The following ADK variants were observed in gnomAD, a reference collection of about 807,000 sequenced individuals.
ADK encodes the protein N6,N6-dimethyladenosine kinase.
A neutral mutation model predicts 44.7 loss-of-function variants in ADK; 24 were observed. That is an observed-to-expected ratio of 0.54 (90% CI 0.39 to 0.76). The LOEUF (loss-of-function observed/expected upper bound fraction) is 0.76, where lower values mean the gene tolerates loss of function less well. ADK is among the 30% of genes least tolerant of loss of function. The pLI is 0.00. For synonymous variants in ADK, 128 were observed against 142.6 expected (o/e 0.90, Z 0.73); for missense variants, 321 against 425.1 (o/e 0.76, Z 2.15).
chr10:74,392,612 C>T (rs935922613), intron 4 of ADK, among the ~76,000 whole-genome samples: 8 of 151,962 alleles, frequency 5.3e-5, no homozygotes, highest in Admixed American at 5.3e-4. Context: ...TGTTGATTGC[C>T]TCCTTTGCCA....
chr10:74,650,077 T>C (rs1021601773), intron 9 of ADK, among the ~76,000 whole-genome samples: 1 of 152,180 alleles, frequency 6.6e-6, no homozygotes, highest in Non-Finnish European at 1.5e-5. Context: ...TCTTAGAACA[T>C]GGGCTTTCCT....
At chr10:74,219,542 C>T (rs1323309201) in intron 2 of ADK, among the ~76,000 whole-genome samples, 1 of 152,322 alleles carries the variant, frequency 6.6e-6, no homozygotes, top group African/African-American at 2.4e-5. Context: ...ACAGAACTCT[C>T]CACCGCAAAT....
intron 7 of ADK, among the ~76,000 whole-genome samples, chr10:74,560,787 AC>A (rs1411112636): frequency 6.6e-6 from 1 of 152,190 alleles, no homozygotes; most frequent in Non-Finnish European, 1.5e-5. Flanking sequence ...CATTCTACAT[AC>A]TGTTCTACAA....
At chr10:74,326,717 A>T (rs1016532320) in intron 4 of ADK, among the ~76,000 whole-genome samples, 3 of 151,998 alleles carry the variant, frequency 2.0e-5, no homozygotes, top group Admixed American at 2.0e-4. Context: ...CACTGATTTA[A>T]TCTCTTTACT....
intron 3 of ADK, among the ~76,000 whole-genome samples, chr10:74,253,845 C>CA (rs1473786250): frequency 3.4e-5 from 5 of 148,922 alleles, no homozygotes; most frequent in Non-Finnish European, 7.4e-5. Flanking sequence ...CTGCTCACTG[C>CA]AACCTCTGCC....
intron 2 of ADK, among the ~76,000 whole-genome samples, chr10:74,221,628 A>G (rs1389612265): frequency 6.8e-6 from 1 of 147,568 alleles, no homozygotes; most frequent in Non-Finnish European, 1.5e-5. Flanking sequence ...CTATACTACA[A>G]GGCTACAGTA....
At chr10:74,518,672 A>C (rs991055621) in intron 6 of ADK, among the ~76,000 whole-genome samples, 3 of 152,182 alleles carry the variant, frequency 2.0e-5, no homozygotes, top group Non-Finnish European at 2.9e-5. Flanking sequence ...TCCTGATAAA[A>C]ATTGTTTAAG....
chr10:74,450,068 G>C (rs900388874), intron 6 of ADK, among the ~76,000 whole-genome samples: 1 of 152,148 alleles, frequency 6.6e-6, no homozygotes, highest in Non-Finnish European at 1.5e-5. Flanking sequence ...CACTTCAGGA[G>C]GCTGAGGTGG....
intron 3 of ADK, among the ~76,000 whole-genome samples, chr10:74,292,802 T>C (rs1255963641): frequency 6.6e-6 from 1 of 152,158 alleles, no homozygotes; most frequent in Non-Finnish European, 1.5e-5. Context: ...CCCACCTCTC[T>C]TTTGTGCCAC....
intron 3 of ADK, among the ~76,000 whole-genome samples, chr10:74,289,082 C>T (rs898380915): frequency 6.6e-6 from 1 of 152,190 alleles, no homozygotes; most frequent in African/African-American, 2.4e-5. Flanking sequence ...CATAATGAAG[C>T]ATAATGCCTG....
At chr10:74,508,095 T>C (rs1256792846) in intron 6 of ADK, among the ~76,000 whole-genome samples, 2 of 152,194 alleles carry the variant, frequency 1.3e-5, no homozygotes, top group Non-Finnish European at 2.9e-5. Context: ...TGGTTTACTA[T>C]AAGTTGGAGT....
chr10:74,527,916 C>T (rs1849120909), intron 7 of ADK: 3 of 792,856 alleles, frequency 3.8e-6, no homozygotes, highest in South Asian at 2.9e-5. Context: ...AAGCTGTCAT[C>T]TATAGGTTTC....
At chr10:74,489,246 A>T (rs1847382246) in intron 6 of ADK, among the ~76,000 whole-genome samples, 4 of 151,952 alleles carry the variant, frequency 2.6e-5, no homozygotes, top group Admixed American at 2.0e-4. Context: ...TAAGTTCTCC[A>T]ATGTAGAAGG....
chr10:74,442,366 C>G (rs527668142), intron 6 of ADK, among the ~76,000 whole-genome samples: 1 of 152,278 alleles, frequency 6.6e-6, no homozygotes, highest in South Asian at 2.1e-4. Context: ...AGGAGATCGG[C>G]CGGGCATGGT....
chr10:74,276,336 C>A (rs1846678513), intron 3 of ADK, among the ~76,000 whole-genome samples: 1 of 152,168 alleles, frequency 6.6e-6, no homozygotes, highest in South Asian at 2.1e-4. Context: ...TAAAGCTCTC[C>A]TTTCTACTAC....
At chr10:74,707,067 A>C (rs550866337) in intron 10 of ADK, among the ~76,000 whole-genome samples, 1 of 152,258 alleles carries the variant, frequency 6.6e-6, no homozygotes, top group Non-Finnish European at 1.5e-5. Context: ...ACAGGGTCCT[A>C]CTCTGTTACC....
Position 74,311,255 on chromosome 10 carries a change from T to C in ADK, c.195-3412T>C, listed in dbSNP as rs534761226. ...TTTGAAATAACATGGAAAATACCTA[T>C]CAATAGATGTAAATCTATTTTAAAT... On this transcript the variant is annotated intron_variant, in intron 3 of 10. Transcript: ENST00000539909. Among the ~76,000 whole-genome samples, 31 of 152,336 alleles carry C rather than the reference T, an allele frequency of 2.0e-4. 2 individuals carry two copies. Among genetic ancestry groups the C allele is most frequent in the African/African-American group, 7.2e-4 (30 of 41,578 alleles).
intron 3 of ADK, among the ~76,000 whole-genome samples, chr10:74,291,199 G>A (rs1847415090): frequency 6.6e-6 from 1 of 152,098 alleles, no homozygotes; most frequent in Non-Finnish European, 1.5e-5. Flanking sequence ...GGCGGATCAC[G>A]AGGTCAGGAA....
intron 3 of ADK, among the ~76,000 whole-genome samples, chr10:74,254,530 T>G (rs1845757195): frequency 6.6e-6 from 1 of 152,124 alleles, no homozygotes; most frequent in Non-Finnish European, 1.5e-5. Context: ...GTCAGATTGC[T>G]TTTGATTAAA....
Sources: allele counts gnomAD v4.1 joint callset (sites outside exome capture counted in the v4.1 genomes callset), GRCh38; gene constraint gnomAD v4.1.1; transcripts MANE v1.5; gene names NCBI Gene and HGNC (gene_info 2026-07-23, HGNC 2026-07-21).